PARD3B: variants seen among roughly 807,000 people sequenced by gnomAD.
The protein encoded by PARD3B is par-3 family cell polarity regulator beta.
Under a neutral mutation model 130.2 loss-of-function variants are expected in PARD3B, and 103 were observed. The observed-to-expected ratio is 0.79, with a 90% CI of 0.67 to 0.93. PARD3B has a LOEUF of 0.93. Ranked by LOEUF, PARD3B falls within the 40% of genes least tolerant of loss-of-function variation. PARD3B has a pLI of 0.00. For missense variants in PARD3B, 1,609 were observed against 1,499.2 expected (o/e 1.07, Z -1.21); for synonymous variants, 583 against 553.2 (o/e 1.05, Z -0.76).
intron 22 of PARD3B, among the ~76,000 whole-genome samples, chr2:205,608,993 C>T (rs1279655050): frequency 6.6e-6 from 1 of 152,218 alleles, no homozygotes; most frequent in Non-Finnish European, 1.5e-5. Context: ...CAAGACCCCC[C>T]TCTTCTCATA....
At position 205,460,427 on chromosome 2, in the gene PARD3B, T is replaced by C. The variant is rs1427936602; in HGVS notation, c.3044+19755T>C. Among the ~76,000 whole-genome samples, 2 of 151,768 alleles carry C rather than the reference T, an allele frequency of 1.3e-5. No individual in the cohort carries two copies. The highest frequency in any genetic ancestry group is 4.8e-5 in the African/African-American group (2 of 41,322). ...ATGATGATGATGATGATGATGATGA[T>C]GATGATGATAGTCAATAGTAGTATT... On this transcript the variant is annotated intron_variant, in intron 20 of 22. Transcript: ENST00000406610. This position sits in a 1 kb window ranked among gnomAD's most constrained non-coding sequence, Gnocchi z 4.9.
At chr2:205,013,798 A>G (rs1695911830) in intron 3 of PARD3B, among the ~76,000 whole-genome samples, 1 of 152,192 alleles carries the variant, frequency 6.6e-6, no homozygotes, top group Non-Finnish European at 1.5e-5. Flanking sequence ...TCACAGGGTC[A>G]AAGGGCAGAG....
intron 4 of PARD3B, among the ~76,000 whole-genome samples, chr2:205,063,195 A>G (rs910725545): frequency 3.3e-5 from 5 of 152,112 alleles, no homozygotes; most frequent in African/African-American, 1.2e-4. Context: ...TGTTGGGGAC[A>G]TCATAATCCT....
At chr2:205,247,210 T>C (rs1340493591) in intron 16 of PARD3B, among the ~76,000 whole-genome samples, 1 of 152,206 alleles carries the variant, frequency 6.6e-6, no homozygotes, top group African/African-American at 2.4e-5. Context: ...TTTCTGGCTT[T>C]TTCCAGGAAA....
intron 2 of PARD3B, among the ~76,000 whole-genome samples, chr2:204,844,581 C>T (rs2044388899): frequency 6.6e-6 from 1 of 152,050 alleles, no homozygotes; most frequent in Non-Finnish European, 1.5e-5. Flanking sequence ...CGTGTGAGCA[C>T]CTGGATGGCG....
At chr2:205,527,499 C>T (rs1482907052) in intron 21 of PARD3B, among the ~76,000 whole-genome samples, 1 of 152,084 alleles carries the variant, frequency 6.6e-6, no homozygotes, top group Non-Finnish European at 1.5e-5. Context: ...CAGTTGGCTA[C>T]AGCATACTAA....
chr2:205,576,034 T>G (rs1036886292), intron 22 of PARD3B, among the ~76,000 whole-genome samples: 1 of 152,174 alleles, frequency 6.6e-6, no homozygotes, highest in Non-Finnish European at 1.5e-5. Flanking sequence ...TTGTCAGCAT[T>G]TGGTGTTGTC....
intron 1 of PARD3B, among the ~76,000 whole-genome samples, chr2:204,652,864 C>T (rs1355908501): frequency 6.6e-6 from 1 of 151,050 alleles, no homozygotes; most frequent in African/African-American, 2.5e-5. Flanking sequence ...CATTGTGGAT[C>T]ATGAGAGAGT....
chr2:204,912,109 C>T (rs2047259877), intron 2 of PARD3B, among the ~76,000 whole-genome samples: 1 of 152,084 alleles, frequency 6.6e-6, no homozygotes, highest in Non-Finnish European at 1.5e-5. Context: ...GTGCTCCAAG[C>T]TTCTGAATAG....
chr2:204,758,387 G>A (rs2040765571), intron 2 of PARD3B, among the ~76,000 whole-genome samples: 1 of 152,152 alleles, frequency 6.6e-6, no homozygotes. Context: ...AAAGAAAGAA[G>A]CCTGTCATTG....
chr2:205,013,336 A>G (rs1313713795), intron 3 of PARD3B, among the ~76,000 whole-genome samples: 1 of 152,196 alleles, frequency 6.6e-6, no homozygotes, highest in African/African-American at 2.4e-5. Flanking sequence ...ATTCAAAATC[A>G]TTATTTTTAG....
chr2:205,090,810 A>G (rs1412151252), intron 4 of PARD3B, among the ~76,000 whole-genome samples: 2 of 152,172 alleles, frequency 1.3e-5, no homozygotes, highest in Admixed American at 6.6e-5. Context: ...TGCACATGCT[A>G]TGGGAAAAGA....
At chr2:204,629,596 G>A (rs896597529) in intron 1 of PARD3B, among the ~76,000 whole-genome samples, 2 of 151,790 alleles carry the variant, frequency 1.3e-5, no homozygotes, top group African/African-American at 4.8e-5. Context: ...GATTTTTCCA[G>A]TAGTATTACA....
At chr2:204,687,257 C>A (rs2037130284) in intron 2 of PARD3B, among the ~76,000 whole-genome samples, 1 of 152,102 alleles carries the variant, frequency 6.6e-6, no homozygotes, top group Non-Finnish European at 1.5e-5. Context: ...TTAATCTTTG[C>A]AGACATCTTA....
At chr2:205,192,683 CT>C (rs761912871) in intron 14 of PARD3B, among the ~76,000 whole-genome samples, 1 of 152,120 alleles carries the variant, frequency 6.6e-6, no homozygotes. Flanking sequence ...AGACTGTCTG[CT>C]TAGTGTTAAC....
At position 204,901,950 on chromosome 2, in the gene PARD3B, T is replaced by G. The variant is rs567857353; in HGVS notation, c.223-63202T>G. The stretch of plus-strand genomic sequence containing the variant: ...GAGTCTGCCTAGTGCCCTATTCTAC[T>G]GTGGTTGAGCTGGTATCCCAGTTGC... On this transcript the variant is annotated intron_variant, in intron 2 of 22. Coordinates refer to ENST00000406610, the MANE Select transcript of PARD3B (RefSeq NM_001302769.2). 2.0e-5 allele frequency among the ~76,000 whole-genome samples: 3 copies of G among 152,234 alleles called. No individual in the cohort carries two copies. In the East Asian group the frequency reaches 5.8e-4, roughly 30 times the overall value.
chr2:204,959,202 G>C (rs236820), intron 2 of PARD3B, among the ~76,000 whole-genome samples: 66,399 of 151,812 alleles, frequency 0.44, 15,802 homozygotes, highest in East Asian at 0.65. Context: ...TTATTCAGCT[G>C]CCACTTATGA....
chr2:205,088,569 T>G (rs1701884922), intron 4 of PARD3B, among the ~76,000 whole-genome samples: 1 of 152,092 alleles, frequency 6.6e-6, no homozygotes, highest in Non-Finnish European at 1.5e-5. Flanking sequence ...CTATGTTAAG[T>G]AAAAATCAAC....
In PARD3B at chr2:205,183,730, T is replaced by TTTG. The variant is rs1553634032; in HGVS notation, c.1925-2033_1925-2032insTGT. Reference sequence around the variant, plus strand: ...GGTTCTGCAGAGAAACAGAACCAAGTTGTGTGTGTGTGTGTGTGTGTGTGT... The same window carrying TTTG: ...GGTTCTGCAGAGAAACAGAACCAAGTTTGTGTGTGTGTGTGTGTGTGTGTGTGT... On this transcript the variant is annotated intron_variant, in intron 13 of 22. Transcript: ENST00000406610. This position sits in a 1 kb window ranked among gnomAD's most constrained non-coding sequence, Gnocchi z 5.2. 1.4e-5 allele frequency among the ~76,000 whole-genome samples: 2 copies of TTTG among 138,160 alleles called. No homozygotes were observed. Among genetic ancestry groups the TTTG allele is most frequent in the Admixed American group, 7.4e-5 (1 of 13,594 alleles). The allele number at this position is 138,160 out of a possible 152,430, so 90.6% of individuals were successfully genotyped here. A position where few individuals can be genotyped will look rare whatever the true frequency, so the allele number is the denominator to read the frequency against.
Sources: allele counts gnomAD v4.1 joint callset (sites outside exome capture counted in the v4.1 genomes callset), GRCh38; gene constraint gnomAD v4.1.1; non-coding constraint Gnocchi (gnomAD v3.1); transcripts MANE v1.5; gene names NCBI Gene and HGNC (gene_info 2026-07-23, HGNC 2026-07-21).